SLC16A11: variants seen among roughly 807,000 people sequenced by gnomAD.
SLC16A11 encodes the protein monocarboxylate transporter 11.
In SLC16A11, 24 loss-of-function variants were observed where a neutral mutation model predicts 26.0. That is an observed-to-expected ratio of 0.92 (90% CI 0.67 to 1.30). The LOEUF (loss-of-function observed/expected upper bound fraction) is 1.30. Ranked by LOEUF, SLC16A11 falls within the 50% of genes most tolerant of loss-of-function variation. The pLI is 0.00. For missense variants in SLC16A11, 638 were observed against 597.7 expected (o/e 1.07, Z -0.70); for synonymous variants, 332 against 296.0 (o/e 1.12, Z -1.25).
In SLC16A11 at chr17:7,041,785, G is replaced by T; in HGVS notation, c.1238C>A (p.Ser413Tyr). The change falls in exon 5 of 5, where the codon TCC (serine) becomes TAC (tyrosine). Residue 413 changes from serine (S) to tyrosine (Y), a missense_variant. Coordinates refer to ENST00000574600, the MANE Select transcript of SLC16A11 (RefSeq NM_001370549.1). ...CTCTGGGGGAGGCGTGGCTGGAGGG[G>T]AGGCTGGACCACAGGAGGGCAGCGC... Reference protein sequence around the residue: ...PRALPSCGPASPPATPPPETG... With the variant: ...PRALPSCGPAYPPATPPPETG... 1.2e-6 allele frequency: 2 copies of T among 1,613,736 alleles called. No homozygotes were observed.
At chr17:7,043,560 C>A in intron 1 of SLC16A11, 41 bp from the exon 2 acceptor site, 1 of 1,565,434 alleles carries the variant, frequency 6.4e-7, no homozygotes, top group South Asian at 1.1e-5. Context: ...GCCTCCACGC[C>A]TGTGCTTCCG....
rs1041719176 is a variant in SLC16A11 at position 7,042,356 on chromosome 17, C to A, written c.754G>T (p.Gly252Ter). 6.4e-7 allele frequency: 1 copy of A among 1,560,344 alleles called. No homozygotes were observed. Among genetic ancestry groups the A allele is most frequent in the Non-Finnish European group, 8.7e-7 (1 of 1,151,170 alleles). Reference sequence around the variant, plus strand: ...GCCACCACCAGCGCTGCTCCGTATCCCCCCAGGCCCCGGTCTAAAGCGTGG... The same window carrying A: ...GCCACCACCAGCGCTGCTCCGTATCACCCCAGGCCCCGGTCTAAAGCGTGG... Reference protein sequence around the residue: ...APHALDRGLGGYGAALVVAVA... With the variant: ...APHALDRGLG The change falls in exon 4 of 5, where the codon GGA becomes TGA. Residue 252 changes from glycine to a stop codon, truncating the protein, a stop_gained. Transcript: ENST00000574600. LOFTEE classifies it high-confidence loss of function. The surrounding 1 kb of genome is among the most constrained non-coding windows in gnomAD (Gnocchi z 5.9).
Position 7,042,018 on chromosome 17 carries a change from C to G in SLC16A11, c.1092G>C (p.Gly364=), listed in dbSNP as rs773902402. The G allele has an allele frequency of 3.2e-6, 5 of 1,577,268 alleles. No individual in the cohort carries two copies. In the Admixed American group the frequency reaches 8.8e-5, roughly 28 times the overall value. ...TACCTGACAGGGGAGGGCCCAGGAGCCCCCCGAGGCTCATCAGCATCATCA... is the reference window on the plus strand; with the variant it reads ...TACCTGACAGGGGAGGGCCCAGGAGGCCCCCGAGGCTCATCAGCATCATCA... The part of the protein sequence containing the change: ...GLVMMLMSLG[G]LLGPPLSGFL... The change falls in exon 4 of 5, where the codon GGG becomes GGC. Residue 364 remains glycine, a synonymous_variant. Transcript: ENST00000574600. The surrounding 1 kb of genome is among the most constrained non-coding windows in gnomAD (Gnocchi z 5.9).
rs773465398 is a variant in SLC16A11 at position 7,043,412 on chromosome 17, C to G, written c.102G>C (p.Ser34=). 1.1e-5 allele frequency: 18 copies of G among 1,605,732 alleles called. 1 individual carries two copies. The East Asian group carries it at 2.7e-4, about 24-fold the overall frequency. Residue 34 remains serine (S), a synonymous_variant, in exon 2 of 5, where the codon TCG becomes TCC. Coordinates refer to ENST00000574600, the MANE Select transcript of SLC16A11 (RefSeq NM_001370549.1). ...CAAGGTCAGGGAAGGCAAGGCCCAG[C>G]GAGCGCAGCAGCCCGTAGGACAGCC... ...INGLSYGLLR[S]LGLAFPDLAE...
At chr17:7,043,099 G>A in intron 2 of SLC16A11, 26 bp from the exon 3 acceptor site, 1 of 1,504,028 alleles carries the variant, frequency 6.6e-7, no homozygotes, top group Non-Finnish European at 8.9e-7. Flanking sequence ...GTCAACGGAA[G>A]ACACGCCCCC....
intron 1 of SLC16A11, 34 bp downstream of exon 1, chr17:7,043,741 G>A (rs1209963025): frequency 1.5e-5 from 13 of 882,646 alleles, no homozygotes; most frequent in Non-Finnish European, 2.1e-5. Flanking sequence ...CAGGCCCGAG[G>A]TTCCCCGTCC....
Position 7,041,651 on chromosome 17 carries a change from T to TGGGGGA in SLC16A11, c.*22_*27dup. 6.5e-7 allele frequency: 1 copy of TGGGGGA among 1,541,726 alleles called. No homozygotes were observed. Among genetic ancestry groups the TGGGGGA allele is most frequent in the Non-Finnish European group, 8.8e-7 (1 of 1,142,618 alleles). On this transcript the variant is annotated 3_prime_UTR_variant, in exon 5 of 5. Coordinates refer to ENST00000574600, the MANE Select transcript of SLC16A11 (RefSeq NM_001370549.1). Reference sequence around the variant, plus strand: ...GGAAAACCCGATAAAAATTCTTTATTGGGGGAGGGGCTCAAACAAGAAAAT... The same window carrying TGGGGGA: ...GGAAAACCCGATAAAAATTCTTTATTGGGGGAGGGGGAGGGGCTCAAACAAGAAAAT...
chr17:7,042,818 T>G lies in SLC16A11; in HGVS notation c.347-55A>C. 1 of 1,560,886 alleles carries G rather than the reference T, an allele frequency of 6.4e-7. No homozygotes were observed. Among genetic ancestry groups the G allele is most frequent in the South Asian group, 1.2e-5 (1 of 86,082 alleles). ...GGCACTGGGGACGCCCGCCCCAGCA[T>G]TCCCAGCCCGGCTCTCCGCACCAGG... On this transcript the variant is annotated intron_variant, in intron 3 of 4. Transcript: ENST00000574600. The surrounding 1 kb of genome is among the most constrained non-coding windows in gnomAD (Gnocchi z 5.9).
chr17:7,042,790 G>A lies in SLC16A11; in HGVS notation c.347-27C>T. 1.3e-6 allele frequency: 2 copies of A among 1,542,580 alleles called. No individual in the cohort carries two copies. Among genetic ancestry groups the A allele is most frequent in the Non-Finnish European group, 1.7e-6 (2 of 1,146,046 alleles). ...TGCGAATGAATAGGAGGGGATGGGG[G>A]CCGGCACTGGGGACGCCCGCCCCAG... On this transcript the variant is annotated intron_variant, in intron 3 of 4. Transcript: ENST00000574600. This position sits in a 1 kb window ranked among gnomAD's most constrained non-coding sequence, Gnocchi z 5.9.
chr17:7,043,254 C>T, intron 2 of SLC16A11, 58 bp downstream of exon 2: 1 of 1,554,868 alleles, frequency 6.4e-7, no homozygotes. Flanking sequence ...GGTCTCCCAT[C>T]CCTCCACTCA....
Position 7,043,042 on chromosome 17 carries a change from C to G in SLC16A11, c.234G>C (p.Trp78Cys), listed in dbSNP as rs1201139679. 4.5e-6 allele frequency: 7 copies of G among 1,569,842 alleles called. No individual in the cohort carries two copies. The highest frequency in any genetic ancestry group is 1.2e-5 in the South Asian group (1 of 86,628). Residue 78 changes from tryptophan (W) to cysteine (C), a missense_variant, in exon 3 of 5, where the codon TGG (tryptophan) becomes TGC (cysteine). Coordinates refer to ENST00000574600, the MANE Select transcript of SLC16A11 (RefSeq NM_001370549.1). ...CAACCATCACCACGGGGCGGGCCCC[C>G]CAGCGCGTGCTCAGGGCGCTGCCCA... ...SPVGSALSTR[W>C]GARPVVMVGG...
In SLC16A11 at chr17:7,042,350, C is replaced by G. The variant is rs200478682; in HGVS notation, c.760G>C (p.Gly254Arg). The change falls in exon 4 of 5, where the codon GGA becomes CGA. Residue 254 changes from glycine (G) to arginine (R), a missense_variant. Coordinates refer to ENST00000574600, the MANE Select transcript of SLC16A11 (RefSeq NM_001370549.1). This position sits in a 1 kb window ranked among gnomAD's most constrained non-coding sequence, Gnocchi z 5.9. ...GCCACGGCCACCACCAGCGCTGCTC[C>G]GTATCCCCCCAGGCCCCGGTCTAAA... ...HALDRGLGGY[G>R]AALVVAVAAM... 1.3e-6 allele frequency: 2 copies of G among 1,558,692 alleles called. No homozygotes were observed. Among genetic ancestry groups the G allele is most frequent in the Non-Finnish European group, 1.7e-6 (2 of 1,150,394 alleles).
rs1031134706 is a variant in SLC16A11 at position 7,044,081 on chromosome 17, C to A, written c.-313G>T. On this transcript the variant is annotated 5_prime_UTR_variant, in exon 1 of 5. Coordinates refer to ENST00000574600, the MANE Select transcript of SLC16A11 (RefSeq NM_001370549.1). ...CCCCCAGGCCCGGGGGAGGGGGGAG[C>A]GGCGAGAAATGAATGCAGAGGGGCC... is the stretch of plus-strand genomic sequence containing the variant. Among the ~76,000 whole-genome samples, 3 of 152,180 alleles carry A rather than the reference C, an allele frequency of 2.0e-5. No homozygotes were observed. Among genetic ancestry groups the A allele is most frequent in the Non-Finnish European group, 4.4e-5 (3 of 68,026 alleles).
rs761113496 is a variant in SLC16A11 at position 7,042,024 on chromosome 17, G to A, written c.1086C>T (p.Leu362=). Residue 362 remains leucine (L), a synonymous_variant, in exon 4 of 5, where the codon CTC becomes CTT. Coordinates refer to ENST00000574600, the MANE Select transcript of SLC16A11 (RefSeq NM_001370549.1). The surrounding 1 kb of genome is among the most constrained non-coding windows in gnomAD (Gnocchi z 5.9). ...ACAGGGGAGGGCCCAGGAGCCCCCCGAGGCTCATCAGCATCATCACCAGCC... is the reference window on the plus strand; with the variant it reads ...ACAGGGGAGGGCCCAGGAGCCCCCCAAGGCTCATCAGCATCATCACCAGCC... ...ATGLVMMLMS[L]GGLLGPPLSG... 7 of 1,582,268 alleles carry A rather than the reference G, an allele frequency of 4.4e-6. No individual in the cohort carries two copies. Among genetic ancestry groups the A allele is most frequent in the South Asian group, 2.3e-5 (2 of 86,924 alleles).
rs964096677 is a variant in SLC16A11, at chr17:7,043,904, C to T, written c.-136G>A. 6.0e-6 allele frequency: 2 copies of T among 330,648 alleles called. No individual in the cohort carries two copies. The highest frequency in any genetic ancestry group is 9.4e-5 in the Admixed American group (2 of 21,344). The allele number at this position is 330,648 out of a possible 1,614,324, so 20.5% of individuals were successfully genotyped here. A position where few individuals can be genotyped will look rare whatever the true frequency, so the allele number is the denominator to read the frequency against. On this transcript the variant is annotated 5_prime_UTR_variant, in exon 1 of 5. Transcript: ENST00000574600. ...AGCGATGGAGCCCAACTTGGACGGGCTCTCTCGGTAAACAGAGATCACCAC... is the reference window on the plus strand; with the variant it reads ...AGCGATGGAGCCCAACTTGGACGGGTTCTCTCGGTAAACAGAGATCACCAC...
intron 2 of SLC16A11, 73 bp from the exon 3 acceptor site, chr17:7,043,146 G>A: frequency 6.8e-7 from 1 of 1,461,780 alleles, no homozygotes; most frequent in Non-Finnish European, 9.0e-7. Flanking sequence ...CTCATTGGCT[G>A]TTTGCCTCCC....
rs1262582535 is a variant in SLC16A11 at position 7,043,471 on chromosome 17, A to G, written c.43T>C (p.Trp15Arg). The change falls in exon 2 of 5, where the codon TGG becomes CGG. Residue 15 changes from tryptophan (W) to arginine (R), a missense_variant. By Grantham distance (101) the Trp-to-Arg change is moderately radical. Transcript: ENST00000574600. ...GCGAAGGCTGCGGCCGCCACCACCC[A>G]GCCCCAGCCCCCATCCGGGGGTCCG... The part of the protein sequence containing the change: ...PAGPPDGGWG[W>R]VVAAAAFAIN... 6.3e-7 allele frequency: 1 copy of G among 1,597,992 alleles called. No homozygotes were observed. Among genetic ancestry groups the G allele is most frequent in the East Asian group, 2.2e-5 (1 of 44,632 alleles).
chr17:7,042,311 C>A lies in SLC16A11; in HGVS notation c.799G>T (p.Ala267Ser). The change falls in exon 4 of 5, where the codon GCG becomes TCG. Residue 267 changes from alanine to serine, a missense_variant. Ala to Ser is a moderately conservative substitution (Grantham distance 99). Transcript: ENST00000574600. This position sits in a 1 kb window ranked among gnomAD's most constrained non-coding sequence, Gnocchi z 5.9. Reference sequence around the variant, plus strand: ...CACCCGCAGACCAGCCGGGCGCCCGCATCCCCCATCGCAGCCACGGCCACC... The same window carrying A: ...CACCCGCAGACCAGCCGGGCGCCCGAATCCCCCATCGCAGCCACGGCCACC... ...LVVAVAAMGD[A>S]GARLVCGWLA... 6.5e-7 allele frequency: 1 copy of A among 1,547,480 alleles called. No individual in the cohort carries two copies. Among genetic ancestry groups the A allele is most frequent in the Non-Finnish European group, 8.7e-7 (1 of 1,144,468 alleles).
chr17:7,043,344 C>G lies in SLC16A11; in HGVS notation c.170G>C (p.Ser57Thr), dbSNP rs756854539. 1 of 1,610,096 alleles carries G rather than the reference C, an allele frequency of 6.2e-7. No individual in the cohort carries two copies. Among genetic ancestry groups the G allele is most frequent in the Non-Finnish European group, 8.5e-7 (1 of 1,179,836 alleles). Residue 57 changes from serine to threonine, a missense_variant, in exon 2 of 5, where the codon AGC becomes ACC. Transcript: ENST00000574600. ...CTGCTGCACGGCCAGGGCCAGGGCG[C>G]TGATCCACGCAGTGTCCTGGGCGCT... ...DRSAQDTAWI[S>T]ALALAVQQAA...
Sources: gnomAD v4.1 joint callset for allele counts (sites outside exome capture counted in the v4.1 genomes callset) on GRCh38, gnomAD v4.1.1 for gene constraint, Gnocchi (gnomAD v3.1) non-coding constraint, MANE v1.5 for transcripts, NCBI Gene and HGNC (gene_info 2026-07-23, HGNC 2026-07-21) for gene names.